The following EEFSEC variants were observed in gnomAD, a reference collection of about 807,000 sequenced individuals.
The protein encoded by EEFSEC is eukaryotic elongation factor, selenocysteine-tRNA specific, also known as selenocysteine-specific elongation factor.
EEFSEC carries 43 observed loss-of-function variants against 42.1 expected under a neutral mutation model. That is an observed-to-expected ratio of 1.02 (90% confidence interval 0.80 to 1.32). The LOEUF (loss-of-function observed/expected upper bound fraction) is 1.32. Among genes scored for constraint, EEFSEC ranks in the 40% most tolerant of loss-of-function variants. EEFSEC has a pLI of 0.00. For missense variants in EEFSEC, 745 were observed against 803.6 expected, an observed-to-expected ratio of 0.93 and a Z score of 0.88; for synonymous variants, 354 against 339.1, an observed-to-expected ratio of 1.04 and a Z score of -0.48.
At chr3:128,239,152 C>T (rs2066043935) in intron 1 of EEFSEC, among the ~76,000 whole-genome samples, 1 of 152,214 alleles carries the variant, frequency 6.6e-6, no homozygotes, top group Non-Finnish European at 1.5e-5. Flanking sequence ...CTGGCACTTA[C>T]CAAGAAACCC....
intron 6 of EEFSEC, among the ~76,000 whole-genome samples, chr3:128,398,178 T>G (rs2068004243): frequency 6.6e-6 from 1 of 152,064 alleles, no homozygotes; most frequent in Admixed American, 6.5e-5. Context: ...GGGCATTGGA[T>G]CTGTACTCAG....
chr3:128,394,439 GT>G (rs1022995646), intron 6 of EEFSEC, among the ~76,000 whole-genome samples: 3 of 151,760 alleles, frequency 2.0e-5, no homozygotes, highest in East Asian at 1.9e-4. Context: ...ATTCTAGACG[GT>G]TTTTTTCCCC....
chr3:128,420,202 G>T, the EEFSEC span, among the ~76,000 whole-genome samples: 11 of 152,366 alleles, frequency 7.2e-5, no homozygotes, highest in South Asian at 1.9e-3. Flanking sequence ...ACACACGCGC[G>T]TGGCTCCGCC....
At chr3:128,360,039 T>C (rs913935442) in intron 6 of EEFSEC, among the ~76,000 whole-genome samples, 2 of 152,174 alleles carry the variant, frequency 1.3e-5, no homozygotes, top group African/African-American at 2.4e-5. Flanking sequence ...CCAGGGCACT[T>C]TGTTCCCTGT....
At chr3:128,271,727 C>T (rs867515170) in intron 4 of EEFSEC, among the ~76,000 whole-genome samples, 4 of 152,094 alleles carry the variant, frequency 2.6e-5, no homozygotes, top group Non-Finnish European at 5.9e-5. Flanking sequence ...TTCAAACTCC[C>T]GGGCCCTGCA....
chr3:128,247,118 T>A, intron 2 of EEFSEC, 75 bp downstream of exon 2: 1 of 1,489,434 alleles, frequency 6.7e-7, no homozygotes, highest in Non-Finnish European at 9.3e-7. Context: ...TTCACAAACA[T>A]GAATTGGACA....
intron 6 of EEFSEC, among the ~76,000 whole-genome samples, chr3:128,379,799 A>G (rs1370020432): frequency 1.3e-5 from 2 of 152,322 alleles, no homozygotes; most frequent in Admixed American, 6.5e-5. Flanking sequence ...TTTCTCCAGG[A>G]GCCCCTCCCT....
At chr3:128,366,846 AC>A (rs2067595930) in intron 6 of EEFSEC, among the ~76,000 whole-genome samples, 1 of 152,044 alleles carries the variant, frequency 6.6e-6, no homozygotes, top group East Asian at 1.9e-4. Context: ...AGCCCACATG[AC>A]CCCTGAGCTC....
chr3:128,374,909 C>T (rs2067692476), intron 6 of EEFSEC, among the ~76,000 whole-genome samples: 1 of 152,242 alleles, frequency 6.6e-6, no homozygotes, highest in African/African-American at 2.4e-5. Flanking sequence ...GGCCATCTGG[C>T]ACTGGAGCTC....
Position 128,310,834 on chromosome 3 carries a change from C to T in EEFSEC, c.787-30399C>T, listed in dbSNP as rs58029746. ...GGTCAGGCCCCTGTGCTCTGCTGCC[C>T]CACCCTGCCCACCTGGCAAGCAGGT... On this transcript the variant is annotated intron_variant, in intron 4 of 6. Transcript: ENST00000254730. 8.9e-4 allele frequency among the ~76,000 whole-genome samples: 135 copies of T among 152,328 alleles called. 1 individual carries two copies. The highest frequency in any genetic ancestry group is 3.2e-3 in the African/African-American group (131 of 41,570).
intron 6 of EEFSEC, among the ~76,000 whole-genome samples, chr3:128,360,982 C>A (rs995419918): frequency 2.7e-5 from 4 of 150,472 alleles, no homozygotes; most frequent in African/African-American, 9.8e-5. Context: ...CTTCAGGAAG[C>A]CTGAGCCATC....
intron 4 of EEFSEC, among the ~76,000 whole-genome samples, chr3:128,276,387 AT>A (rs1225601185): frequency 6.6e-6 from 1 of 152,166 alleles, no homozygotes; most frequent in Admixed American, 6.5e-5. Context: ...TGAGGAAACC[AT>A]GGGCCAGAGG....
chr3:128,172,339 A>T (rs1028709944), intron 1 of EEFSEC, among the ~76,000 whole-genome samples: 15 of 152,336 alleles, frequency 9.8e-5, no homozygotes, highest in African/African-American at 3.6e-4. Context: ...TCTAGCGGAA[A>T]TGCCACCTGG....
chr3:128,420,272 G>A, the EEFSEC span, among the ~76,000 whole-genome samples: 25 of 152,246 alleles, frequency 1.6e-4, no homozygotes, highest in African/African-American at 5.5e-4. Flanking sequence ...CTCGGATGAC[G>A]AGGATCATTT....
intron 1 of EEFSEC, among the ~76,000 whole-genome samples, chr3:128,234,254 T>C (rs2065986326): frequency 2.0e-5 from 3 of 152,164 alleles, no homozygotes; most frequent in Admixed American, 2.0e-4. Context: ...CATTTCATCA[T>C]GTTGGCCAGG....
chr3:128,361,687 A>T (rs2067527156), intron 6 of EEFSEC, among the ~76,000 whole-genome samples: 1 of 152,190 alleles, frequency 6.6e-6, no homozygotes, highest in Non-Finnish European at 1.5e-5. Flanking sequence ...ATATCCAAGG[A>T]GCCTTCCCAG....
At chr3:128,384,663 G>C (rs965406693) in intron 6 of EEFSEC, among the ~76,000 whole-genome samples, 7 of 152,196 alleles carry the variant, frequency 4.6e-5, no homozygotes, top group Admixed American at 1.3e-4. Flanking sequence ...ATGCAACTGA[G>C]GCTGGAGAGG....
chr3:128,219,157 G>T (rs185436176), intron 1 of EEFSEC, among the ~76,000 whole-genome samples: 1 of 152,290 alleles, frequency 6.6e-6, no homozygotes, highest in East Asian at 1.9e-4. Flanking sequence ...TGGTGCAGTG[G>T]TACCATTTCC....
chr3:128,172,810 A>G (rs533837388), intron 1 of EEFSEC, among the ~76,000 whole-genome samples: 4 of 152,340 alleles, frequency 2.6e-5, no homozygotes, highest in South Asian at 2.1e-4. Flanking sequence ...GTGAAATGCA[A>G]TCTAGATGGG....
Sources: gnomAD v4.1 joint callset for allele counts (sites outside exome capture counted in the v4.1 genomes callset) on GRCh38, gnomAD v4.1.1 for gene constraint, MANE v1.5 for transcripts, NCBI Gene and HGNC (gene_info 2026-07-23, HGNC 2026-07-21) for gene names.